WDHD1: variants seen among roughly 807,000 people sequenced by gnomAD.
WDHD1 encodes the protein WD repeat and HMG-box DNA-binding protein 1.
Under a neutral mutation model 135.4 loss-of-function variants are expected in WDHD1, and 111 were observed. The observed-to-expected ratio is 0.82, with a 90% CI of 0.70 to 0.96. The LOEUF is 0.96. Among genes scored for constraint, WDHD1 ranks in the 40% least tolerant of loss-of-function variants. WDHD1 has a pLI of 0.00. For synonymous variants in WDHD1, 434 were observed against 439.0 expected (o/e 0.99, Z 0.14); for missense variants, 1,351 against 1,336.3 (o/e 1.01, Z -0.17).
intron 2 of WDHD1, among the ~76,000 whole-genome samples, chr14:55,026,315 A>C (rs2042439801): frequency 6.6e-6 from 1 of 151,374 alleles, no homozygotes; most frequent in African/African-American, 2.5e-5. Flanking sequence ...TAAGCCGTCA[A>C]AAAGTTAAAA....
At chr14:54,983,676 TC>T (rs2041653779) in intron 15 of WDHD1, among the ~76,000 whole-genome samples, 1 of 123,292 alleles carries the variant, frequency 8.1e-6, no homozygotes, top group East Asian at 2.0e-4. Context: ...CCTAATTTAT[TC>T]CTTAAAAAAA....
chr14:54,954,710 A>G (rs147029864), intron 24 of WDHD1, among the ~76,000 whole-genome samples: 3 of 152,188 alleles, frequency 2.0e-5, no homozygotes, highest in Non-Finnish European at 1.5e-5. Context: ...GCCTTGCTAT[A>G]GTATAAAGAA....
chr14:55,022,312 T>A (rs1393954298), intron 2 of WDHD1, among the ~76,000 whole-genome samples: 5 of 152,204 alleles, frequency 3.3e-5, no homozygotes, highest in African/African-American at 7.2e-5. Flanking sequence ...AGTAGCTTTA[T>A]AAATAATGGC....
chr14:54,999,507 C>G (rs2041944797), intron 10 of WDHD1, among the ~76,000 whole-genome samples: 1 of 152,208 alleles, frequency 6.6e-6, no homozygotes, highest in Non-Finnish European at 1.5e-5. Context: ...AACTGAGTAG[C>G]ACCTCAACTT....
rs548174919 is a variant in WDHD1 at position 54,945,939 on chromosome 14, T to A, written c.3051-1469A>T. Among the ~76,000 whole-genome samples, 29 of 152,296 alleles carry A rather than the reference T, an allele frequency of 1.9e-4. 1 individual carries two copies. The South Asian group carries it at 5.2e-3, about 27-fold the overall frequency. On this transcript the variant is annotated intron_variant, in intron 24 of 25. Transcript: ENST00000360586. Reference sequence around the variant, plus strand: ...TCTAAACTTTTTAAGGTTAAAAAAATTTTTATTAAAAAATTACTAGTATGA... The same window carrying A: ...TCTAAACTTTTTAAGGTTAAAAAAAATTTTATTAAAAAATTACTAGTATGA...
At chr14:54,958,147 A>T (rs1595065949) in intron 21 of WDHD1, among the ~76,000 whole-genome samples, 1 of 148,306 alleles carries the variant, frequency 6.7e-6, no homozygotes, top group South Asian at 2.1e-4. Context: ...TTTTTTTGAG[A>T]CAGAGTCTCG....
At chr14:54,972,025 C>G (rs566937387) in intron 16 of WDHD1, among the ~76,000 whole-genome samples, 1 of 151,614 alleles carries the variant, frequency 6.6e-6, no homozygotes, top group Non-Finnish European at 1.5e-5. Flanking sequence ...GTAATCCCAG[C>G]ACTTTGGGAG....
chr14:54,984,802 C>T lies in WDHD1; in HGVS notation c.1827G>A (p.Lys609=), dbSNP rs144212862. The T allele has an allele frequency of 6.2e-7, 1 of 1,613,374 alleles. No individual in the cohort carries two copies. The highest frequency in any genetic ancestry group is 2.2e-5 in the East Asian group (1 of 44,832). Residue 609 remains lysine (K), a synonymous_variant, in exon 15 of 26, where the codon AAG becomes AAA. Coordinates refer to ENST00000360586, the MANE Select transcript of WDHD1 (RefSeq NM_007086.4). ...LGVQLLELGK[K]KKQILHGDPL... ...GGTCACCATGCAAAATTTGTTTTTTCTTTTTCCCCAGCTCTAGCAGTTGAA... is the reference window on the plus strand; with the variant it reads ...GGTCACCATGCAAAATTTGTTTTTTTTTTTTCCCCAGCTCTAGCAGTTGAA...
chr14:54,987,404 G>A lies in WDHD1; in HGVS notation c.1527-17C>T, dbSNP rs1276796392. On this transcript the variant is annotated splice_polypyrimidine_tract_variant and intron_variant, in intron 13 of 25. Coordinates refer to ENST00000360586, the MANE Select transcript of WDHD1 (RefSeq NM_007086.4). ...TGAAGCTTGCTAAAAATTAAAACAA[G>A]ACAGAAACAATCAAACTTTCATATG... The A allele has an allele frequency of 1.9e-6, 3 of 1,542,170 alleles. No individual in the cohort carries two copies.
At chr14:54,953,819 G>A (rs1177087803) in intron 24 of WDHD1, among the ~76,000 whole-genome samples, 3 of 152,156 alleles carry the variant, frequency 2.0e-5, no homozygotes, top group East Asian at 1.9e-4. Context: ...CATGTCCTTT[G>A]TAGGGACATG....
chr14:54,997,032 C>G (rs1425134342), intron 10 of WDHD1, among the ~76,000 whole-genome samples: 1 of 150,810 alleles, frequency 6.6e-6, no homozygotes, highest in Non-Finnish European at 1.5e-5. Context: ...CCTCGTGATC[C>G]ACCCGCCTCA....
intron 2 of WDHD1, among the ~76,000 whole-genome samples, chr14:55,023,308 G>C (rs1339536706): frequency 6.6e-6 from 1 of 152,188 alleles, no homozygotes; most frequent in Admixed American, 6.5e-5. Flanking sequence ...CATAAAAGCT[G>C]CGTTTTCAAT....
chr14:54,971,505 C>A (rs1334095926), intron 16 of WDHD1, among the ~76,000 whole-genome samples: 1 of 151,976 alleles, frequency 6.6e-6, no homozygotes, highest in Non-Finnish European at 1.5e-5. Flanking sequence ...ACACAAAATA[C>A]CTAGGATATA....
At chr14:54,978,919 GA>G (rs1713757573) in intron 16 of WDHD1, among the ~76,000 whole-genome samples, 1 of 152,070 alleles carries the variant, frequency 6.6e-6, no homozygotes, top group African/African-American at 2.4e-5. Context: ...TCCCTTTCCA[GA>G]ACTGATGAAA....
intron 2 of WDHD1, among the ~76,000 whole-genome samples, chr14:55,020,898 T>C (rs1299381899): frequency 1.3e-5 from 2 of 152,164 alleles, no homozygotes; most frequent in East Asian, 3.8e-4. Flanking sequence ...AGGAAAATCA[T>C]AAAGAGGAGA....
intron 24 of WDHD1, among the ~76,000 whole-genome samples, chr14:54,951,327 TC>T (rs1377777414): frequency 6.6e-6 from 1 of 151,974 alleles, no homozygotes; most frequent in African/African-American, 2.4e-5. Flanking sequence ...TCACCACTGA[TC>T]CCACAGAAAT....
intron 11 of WDHD1, among the ~76,000 whole-genome samples, chr14:54,994,717 C>T (rs2041848592): frequency 6.7e-6 from 1 of 150,158 alleles, no homozygotes; most frequent in South Asian, 2.1e-4. Context: ...GCCAAAATCA[C>T]ACCACCGCAC....
chr14:54,981,535 C>G lies in WDHD1; in HGVS notation c.2063+5G>C. The G allele has an allele frequency of 6.2e-7, 1 of 1,608,906 alleles. No homozygotes were observed. The highest frequency in any genetic ancestry group is 8.5e-7 in the Non-Finnish European group (1 of 1,178,378). On this transcript the variant is annotated splice_donor_5th_base_variant and intron_variant, in intron 16 of 25. Coordinates refer to ENST00000360586, the MANE Select transcript of WDHD1 (RefSeq NM_007086.4). The stretch of plus-strand genomic sequence containing the variant: ...GTCAACTTTAGACTTCTTTTAATAG[C>G]CCACCTTAGTTGCTGGGGATTTTCA...
In WDHD1 at chr14:54,996,938, CAT is replaced by C. The variant is rs1459982937; in HGVS notation, c.943-1127_943-1126del. ...TCCCAAGTAGCTGGGACTACAGGCG[CAT>C]GCCACCATGCCCAGCTAATTTTTGT... is the stretch of plus-strand genomic sequence containing the variant. On this transcript the variant is annotated intron_variant, in intron 10 of 25. Coordinates refer to ENST00000360586, the MANE Select transcript of WDHD1 (RefSeq NM_007086.4). 2.3e-3 allele frequency among the ~76,000 whole-genome samples: 350 copies of C among 151,548 alleles called. 2 individuals are homozygous for C. The highest frequency in any genetic ancestry group is 7.3e-3 in the African/African-American group (301 of 41,258).
Sources: allele counts gnomAD v4.1 joint callset (sites outside exome capture counted in the v4.1 genomes callset), GRCh38; gene constraint gnomAD v4.1.1; transcripts MANE v1.5; gene names NCBI Gene and HGNC (gene_info 2026-07-23, HGNC 2026-07-21).